RAPGEF2: variants seen among roughly 807,000 people sequenced by gnomAD.
RAPGEF2 encodes the protein PDZ domain containing guanine nucleotide exchange factor (GEF) 1.
RAPGEF2 carries 54 observed loss-of-function variants against 186.7 expected under a neutral mutation model. The ratio of observed to expected loss-of-function variants is 0.29; its 90% CI spans 0.23 to 0.36. The LOEUF is 0.36. Among genes scored for constraint, RAPGEF2 ranks in the 10% least tolerant of loss-of-function variants. The pLI, the probability that RAPGEF2 is intolerant of heterozygous loss-of-function variation, is 1.00. For missense variants in RAPGEF2, 1,532 were observed against 2,045.0 expected, an observed-to-expected ratio of 0.75 and a Z score of 4.84; for synonymous variants, 712 against 705.9, an observed-to-expected ratio of 1.01 and a Z score of -0.14.
intron 7 of RAPGEF2, among the ~76,000 whole-genome samples, chr4:159,277,153 T>A (rs1265910511): frequency 3.4e-5 from 5 of 148,976 alleles, no homozygotes; most frequent in Middle Eastern, 3.5e-3. Flanking sequence ...AATTCCCACC[T>A]ATGAGTGAGA....
intron 7 of RAPGEF2, among the ~76,000 whole-genome samples, chr4:159,297,241 C>G (rs1762135246): frequency 6.6e-6 from 1 of 152,170 alleles, no homozygotes; most frequent in Non-Finnish European, 1.5e-5. Flanking sequence ...ATCCCTTCCC[C>G]CAACCCCCAA....
chr4:159,160,992 T>A (rs1441311636), intron 1 of RAPGEF2, among the ~76,000 whole-genome samples: 1 of 150,594 alleles, frequency 6.6e-6, no homozygotes, highest in Non-Finnish European at 1.5e-5. Context: ...AAGTTTTTTT[T>A]AATCATAGGT....
At chr4:159,192,419 A>G (rs559358658) in intron 2 of RAPGEF2, among the ~76,000 whole-genome samples, 1 of 152,312 alleles carries the variant, frequency 6.6e-6, no homozygotes, top group South Asian at 2.1e-4. Flanking sequence ...CCGAATGACC[A>G]AAATGGAGGT....
At position 159,198,306 on chromosome 4, in the gene RAPGEF2, CTTTCTTTCTTTCTTTCTTTCTTTCTT is replaced by C. The variant is rs1748982939; in HGVS notation, c.197+5052_197+5077del. On this transcript the variant is annotated intron_variant, in intron 3 of 29. Coordinates refer to ENST00000691494, the MANE Select transcript of RAPGEF2 (RefSeq NM_001394067.2). Reference sequence around the variant, plus strand: ...TCTTTCTTTCTTTCTTTCTTTCTTTCTTTCTTTCTTTCTTTCTTTCTTTCTTTCTTTTTCTTTCTCTCTCTTTCCTT... The same window carrying C: ...TCTTTCTTTCTTTCTTTCTTTCTTTCTCTTTTTCTTTCTCTCTCTTTCCTT... Among the ~76,000 whole-genome samples the C allele has an allele frequency of 3.0e-5, 2 of 67,026 alleles. 1 individual carries two copies. Among genetic ancestry groups the C allele is most frequent in the Non-Finnish European group, 5.1e-5 (2 of 38,864 alleles). The allele number at this position is 67,026 out of a possible 152,430, so 44.0% of individuals were successfully genotyped here.
chr4:159,351,827 T>C (rs1359190937), intron 26 of RAPGEF2, among the ~76,000 whole-genome samples: 1 of 151,634 alleles, frequency 6.6e-6, no homozygotes, highest in Admixed American at 6.6e-5. Flanking sequence ...GGCACATGCC[T>C]GTAATCCCAG....
intron 3 of RAPGEF2, among the ~76,000 whole-genome samples, chr4:159,208,947 G>C (rs1413258684): frequency 1.3e-5 from 2 of 151,834 alleles, no homozygotes; most frequent in Non-Finnish European, 2.9e-5. Context: ...CTGGAGTGCA[G>C]TAGCACAATC....
chr4:159,220,782 C>T (rs72965979), intron 4 of RAPGEF2, among the ~76,000 whole-genome samples: 5,657 of 152,160 alleles, frequency 0.037, 330 homozygotes, highest in African/African-American at 0.13. Flanking sequence ...TCTTTGCTTC[C>T]CCAGTGCCTA....
intron 7 of RAPGEF2, among the ~76,000 whole-genome samples, chr4:159,269,125 A>C (rs1002803387): frequency 6.6e-6 from 1 of 152,176 alleles, no homozygotes; most frequent in Non-Finnish European, 1.5e-5. Flanking sequence ...AAGTGGAAAT[A>C]AGTCGCTGAG....
intron 7 of RAPGEF2, among the ~76,000 whole-genome samples, chr4:159,261,284 C>G (rs58657301): frequency 3.3e-4 from 49 of 150,202 alleles, no homozygotes; most frequent in East Asian, 1.6e-3. Context: ...GGATGGTCTC[C>G]ATCTCCTGAC....
At chr4:159,163,876 A>C (rs7682986) in intron 1 of RAPGEF2, among the ~76,000 whole-genome samples, 3,179 of 152,292 alleles carry the variant, frequency 0.021, 115 homozygotes, top group African/African-American at 0.073. Context: ...GTGTGAAGAA[A>C]TTATAGTACA....
intron 7 of RAPGEF2, among the ~76,000 whole-genome samples, chr4:159,271,072 GA>G (rs1396536902): frequency 6.6e-6 from 1 of 152,132 alleles, no homozygotes; most frequent in East Asian, 1.9e-4. Flanking sequence ...GATGGTAGAT[GA>G]AAAAAGTTTT....
intron 1 of RAPGEF2, among the ~76,000 whole-genome samples, chr4:159,109,656 T>C (rs949666650): frequency 6.6e-6 from 1 of 152,254 alleles, no homozygotes; most frequent in Non-Finnish European, 1.5e-5. Context: ...TTGTAATTCA[T>C]GAGTGCTGTA....
intron 9 of RAPGEF2, among the ~76,000 whole-genome samples, chr4:159,315,615 A>G (rs576363130): frequency 1.1e-3 from 173 of 151,952 alleles, no homozygotes; most frequent in African/African-American, 3.8e-3. Context: ...GATACAAAAC[A>G]AAGGGGCAGG....
chr4:159,262,364 T>G (rs1401694303), intron 7 of RAPGEF2, among the ~76,000 whole-genome samples: 1 of 152,202 alleles, frequency 6.6e-6, no homozygotes, highest in Admixed American at 6.5e-5. Context: ...AAGATAATAT[T>G]CTTTTACATA....
chr4:159,225,398 A>G (rs1278760365), intron 4 of RAPGEF2, among the ~76,000 whole-genome samples: 2 of 152,196 alleles, frequency 1.3e-5, no homozygotes, highest in Admixed American at 6.5e-5. Flanking sequence ...CAAAACATTA[A>G]TTTGAAAATG....
At chr4:159,267,628 C>T (rs1757577367) in intron 7 of RAPGEF2, 4 of 634,980 alleles carry the variant, frequency 6.3e-6, no homozygotes, top group Non-Finnish European at 8.5e-6. Flanking sequence ...CTTTTTTTCT[C>T]TTGGTTGGAG....
rs758081825 is a variant in RAPGEF2 at position 159,346,991 on chromosome 4, A to C, written c.3705A>C (p.Pro1235=). ...SRKKVPVKDL[P]PFGINSPQAL... ...AGAAAGTGCCCGTAAAGGATCTCCC[A>C]CCTTTTGGTAAGTGATTACATTCAT... is the stretch of plus-strand genomic sequence containing the variant. The change falls in exon 25 of 30, where the codon CCA becomes CCC. Residue 1235 remains proline (P), a synonymous_variant. Transcript: ENST00000691494. 1.2e-6 allele frequency: 2 copies of C among 1,611,716 alleles called. No individual in the cohort carries two copies. Among genetic ancestry groups the C allele is most frequent in the Non-Finnish European group, 1.7e-6 (2 of 1,178,204 alleles).
rs183998802 is a variant in RAPGEF2, at chr4:159,197,934, T to C, written c.197+4678T>C. On this transcript the variant is annotated intron_variant, in intron 3 of 29. Coordinates refer to ENST00000691494, the MANE Select transcript of RAPGEF2 (RefSeq NM_001394067.2). ...ATTTTGCCTGTATGATGGAGTTATT[T>C]CTGTTCTCATTTGTATCTTCAGCCT... Among the ~76,000 whole-genome samples the C allele has an allele frequency of 2.2e-3, 329 of 152,312 alleles. 2 individuals are homozygous for C. Among genetic ancestry groups the C allele is most frequent in the African/African-American group, 7.3e-3 (305 of 41,568 alleles).
chr4:159,204,469 T>C (rs1339233290), intron 3 of RAPGEF2, among the ~76,000 whole-genome samples: 1 of 152,144 alleles, frequency 6.6e-6, no homozygotes, highest in East Asian at 1.9e-4. Context: ...ATCAAGTATT[T>C]CCCTCATGCC....
Sources: allele counts gnomAD v4.1 joint callset (sites outside exome capture counted in the v4.1 genomes callset), GRCh38; gene constraint gnomAD v4.1.1; transcripts MANE v1.5; gene names NCBI Gene and HGNC (gene_info 2026-07-23, HGNC 2026-07-21).